Variants in ZNF750 observed in about 807,000 individuals in gnomAD.
ZNF750 encodes the protein zinc finger protein 750.
In ZNF750, 10 loss-of-function variants were observed where a neutral mutation model predicts 31.6. That is an observed-to-expected ratio of 0.32 (90% CI 0.19 to 0.54). ZNF750 has a LOEUF of 0.54. Among genes scored for constraint, ZNF750 ranks in the 20% least tolerant of loss-of-function variants. The pLI, the probability that ZNF750 is intolerant of heterozygous loss-of-function variation, is 0.95. For synonymous variants in ZNF750, 400 were observed against 404.9 expected, an observed-to-expected ratio of 0.99 and a Z score of 0.15; for missense variants, 914 against 934.9, an observed-to-expected ratio of 0.98 and a Z score of 0.29.
Position 82,831,415 on chromosome 17 carries a change from G to T in ZNF750, c.1040C>A (p.Ser347Tyr). The change falls in exon 2 of 3, where the codon TCT becomes TAT. Residue 347 changes from serine to tyrosine, a missense_variant. Transcript: ENST00000269394. This position sits in a 1 kb window ranked among gnomAD's most constrained non-coding sequence, Gnocchi z 4.6. ...PVTGLTRDQS[S>Y]HLLEEATLVY... The stretch of plus-strand genomic sequence containing the variant: ...CAGGGTGGCTTCTTCAAGCAGGTGA[G>T]AGCTCTGATCTCGGGTGAGGCCAGT... 1 of 1,614,226 alleles carries T rather than the reference G, an allele frequency of 6.2e-7. No homozygotes were observed. Among genetic ancestry groups the T allele is most frequent in the South Asian group, 1.1e-5 (1 of 91,086 alleles).
At chr17:82,836,138 G>C (rs1241155761) in intron 1 of ZNF750, among the ~76,000 whole-genome samples, 14 of 152,248 alleles carry the variant, frequency 9.2e-5, no homozygotes, top group Admixed American at 9.2e-4. Flanking sequence ...AGTCCCTACC[G>C]TGTGGGGCAG....
At chr17:82,837,273 G>A (rs2054070097) in intron 1 of ZNF750, among the ~76,000 whole-genome samples, 1 of 152,226 alleles carries the variant, frequency 6.6e-6, no homozygotes, top group Admixed American at 6.5e-5. Flanking sequence ...GGCTGTCACA[G>A]CTGTCTGTGG....
chr17:82,832,572 C>T lies in ZNF750; in HGVS notation c.-118G>A, dbSNP rs747111580. On this transcript the variant is annotated 5_prime_UTR_variant, in exon 2 of 3. Coordinates refer to ENST00000269394, the MANE Select transcript of ZNF750 (RefSeq NM_024702.3). The surrounding 1 kb of genome is among the most constrained non-coding windows in gnomAD (Gnocchi z 4.9). ...GCTTTGCTTTCTTTCCCGATCACTTCTATCAGAAGCCAGCTCTGCGTGCTG... is the reference window on the plus strand; with the variant it reads ...GCTTTGCTTTCTTTCCCGATCACTTTTATCAGAAGCCAGCTCTGCGTGCTG... The T allele has an allele frequency of 3.4e-6, 3 of 871,574 alleles. No homozygotes were observed. Among genetic ancestry groups the T allele is most frequent in the Non-Finnish European group, 5.6e-6 (3 of 539,098 alleles). 54.0% of individuals were successfully genotyped at this position (871,574 alleles called of 1,614,324 possible). A position where few individuals can be genotyped will look rare whatever the true frequency, so the allele number is the denominator to read the frequency against.
At position 82,831,592 on chromosome 17, in the gene ZNF750, G is replaced by C. The variant is rs35653278; in HGVS notation, c.863C>G (p.Pro288Arg). Residue 288 changes from proline (P) to arginine (R), a missense_variant, in exon 2 of 3, where the codon CCG becomes CGG. Coordinates refer to ENST00000269394, the MANE Select transcript of ZNF750 (RefSeq NM_024702.3). The surrounding 1 kb of genome is among the most constrained non-coding windows in gnomAD (Gnocchi z 4.6). Reference sequence around the variant, plus strand: ...AGCCAGGTGCTTAGGGATCGGCCCCGGGTGAGGCAGGAAGTGTCTCGGGTC... The same window carrying C: ...AGCCAGGTGCTTAGGGATCGGCCCCCGGTGAGGCAGGAAGTGTCTCGGGTC... The part of the protein sequence containing the change: ...TQDPRHFLPH[P>R]GPIPKHLAPS... 1 of 1,614,130 alleles carries C rather than the reference G, an allele frequency of 6.2e-7. No individual in the cohort carries two copies. The highest frequency in any genetic ancestry group is 8.5e-7 in the Non-Finnish European group (1 of 1,179,992).
Position 82,830,841 on chromosome 17 carries a change from G to T in ZNF750, c.1473C>A (p.Thr491=), listed in dbSNP as rs372531501. The T allele has an allele frequency of 1.2e-6, 2 of 1,613,088 alleles. No homozygotes were observed. Among genetic ancestry groups the T allele is most frequent in the Non-Finnish European group, 1.7e-6 (2 of 1,180,024 alleles). Residue 491 remains threonine, a synonymous_variant, in exon 3 of 3, where the codon ACC becomes ACA. Transcript: ENST00000269394. The stretch of plus-strand genomic sequence containing the variant: ...CCTCCGAGACGAGAGAGGCGCTTCC[G>T]GTCGGAGCAGGAGGGTCTCCGTTCA... ...NVVNGDPPAP[T]GSASLVSEAA... is the part of the protein sequence containing the mutation.
At position 82,831,011 on chromosome 17, in the gene ZNF750, T is replaced by G; in HGVS notation, c.1436+8A>C. ...CCCTTGGAGGTTTTGAAAATGACAT[T>G]TTCTTACCTTACTGGAGACTCTGCT... On this transcript the variant is annotated splice_region_variant and intron_variant, in intron 2 of 2. Coordinates refer to ENST00000269394, the MANE Select transcript of ZNF750 (RefSeq NM_024702.3). This position sits in a 1 kb window ranked among gnomAD's most constrained non-coding sequence, Gnocchi z 4.6. The G allele has an allele frequency of 6.2e-7, 1 of 1,613,996 alleles. No individual in the cohort carries two copies. The highest frequency in any genetic ancestry group is 8.5e-7 in the Non-Finnish European group (1 of 1,180,024).
At position 82,830,721 on chromosome 17, in the gene ZNF750, CG is replaced by C; in HGVS notation, c.1592del (p.Thr531SerfsTer25). The C allele has an allele frequency of 6.2e-7, 1 of 1,613,948 alleles. No homozygotes were observed. Among genetic ancestry groups the C allele is most frequent in the Non-Finnish European group, 8.5e-7 (1 of 1,179,994 alleles). On this transcript the variant is annotated frameshift_variant, in exon 3 of 3. Coordinates refer to ENST00000269394, the MANE Select transcript of ZNF750 (RefSeq NM_024702.3). LOFTEE classifies it low-confidence loss of function (END_TRUNC). The part of the protein sequence containing the change: ...EINLAATHEP[T>X]YQGSPQAETA... ...TTTCCGCCTGGGGGCTGCCTTGGTACGTGGGTTCGTGGGTGGCTGCCAGGTT... is the reference window on the plus strand; with the variant it reads ...TTTCCGCCTGGGGGCTGCCTTGGTACTGGGTTCGTGGGTGGCTGCCAGGTT...
chr17:82,836,090 A>G (rs2053948294), intron 1 of ZNF750, among the ~76,000 whole-genome samples: 2 of 143,936 alleles, frequency 1.4e-5, no homozygotes, highest in South Asian at 4.1e-4. Flanking sequence ...ATTTCCCCCT[A>G]TTAGAAGAAA....
chr17:82,833,510 CT>C lies in ZNF750; in HGVS notation c.-182-875del, dbSNP rs1269910453. On this transcript the variant is annotated intron_variant, in intron 1 of 2. Transcript: ENST00000269394. The surrounding 1 kb of genome is among the most constrained non-coding windows in gnomAD (Gnocchi z 4.7). The stretch of plus-strand genomic sequence containing the variant: ...AATACAAATGCTATATTTATGTTGA[CT>C]TAAATGGTTGAAATACTGTTGGTGA... Among the ~76,000 whole-genome samples, 1 of 152,148 alleles carries C rather than the reference CT, an allele frequency of 6.6e-6. No homozygotes were observed.
At position 82,831,225 on chromosome 17, in the gene ZNF750, G is replaced by A. The variant is rs1416536687; in HGVS notation, c.1230C>T (p.Gly410=). 1 of 1,614,010 alleles carries A rather than the reference G, an allele frequency of 6.2e-7. No individual in the cohort carries two copies. Among genetic ancestry groups the A allele is most frequent in the Admixed American group, 1.7e-5 (1 of 60,024 alleles). ...CGGTGGGGCTCGGCCTCCCTGGGGAGCCCGTGGCTGCACTCCCTGCGCGGG... is the reference window on the plus strand; with the variant it reads ...CGGTGGGGCTCGGCCTCCCTGGGGAACCCGTGGCTGCACTCCCTGCGCGGG... The part of the protein sequence containing the change: ...MSPRAGSAAT[G]SPGRPSPTDF... The change falls in exon 2 of 3, where the codon GGC becomes GGT. Residue 410 remains glycine (G), a synonymous_variant. Transcript: ENST00000269394. The surrounding 1 kb of genome is among the most constrained non-coding windows in gnomAD (Gnocchi z 4.6).
intron 1 of ZNF750, among the ~76,000 whole-genome samples, chr17:82,837,089 C>A (rs2054051886): frequency 6.6e-6 from 1 of 152,174 alleles, no homozygotes; most frequent in Admixed American, 6.5e-5. Context: ...CAGTTGTAAG[C>A]CGGGCGTAGG....
intron 1 of ZNF750, among the ~76,000 whole-genome samples, chr17:82,839,375 C>T (rs2054265778): frequency 6.6e-6 from 1 of 151,032 alleles, no homozygotes; most frequent in South Asian, 2.1e-4. Context: ...CTAAATTCAG[C>T]CTAATGTACA....
Position 82,830,866 on chromosome 17 carries a change from A to G in ZNF750, c.1448T>C (p.Val483Ala), listed in dbSNP as rs2053439662. ...GGTCGGAGCAGGAGGGTCTCCGTTC[A>G]CAACATTGAGGCTAGAAGAAGCCAA... is the stretch of plus-strand genomic sequence containing the variant. ...TAESPVSLNVVNGDPPAPTGS... is the reference protein window; with the variant it reads ...TAESPVSLNVANGDPPAPTGS... Residue 483 changes from valine to alanine, a missense_variant, in exon 3 of 3, where the codon GTG becomes GCG. By Grantham distance (64) the Val-to-Ala change is moderately conservative. This residue lies in a region of ZNF750 where 880 missense variants were observed against 868.9 expected (regional missense o/e 1.01). Transcript: ENST00000269394. The G allele has an allele frequency of 6.2e-7, 1 of 1,612,742 alleles. No individual in the cohort carries two copies. Among genetic ancestry groups the G allele is most frequent in the Admixed American group, 1.7e-5 (1 of 60,004 alleles).
At position 82,830,592 on chromosome 17, in the gene ZNF750, A is replaced by G. The variant is rs1313251817; in HGVS notation, c.1722T>C (p.Ala574=). The change falls in exon 3 of 3, where the codon GCT becomes GCC. Residue 574 remains alanine, a synonymous_variant. Transcript: ENST00000269394. ...GTGGAACAGCAGCAGCAGGTTCTGC[A>G]GCTCGTGGTCGACCGGGGAAGGCAG... ...PRPAFPGRPR[A]AEPAAAVPQK... is the part of the protein sequence containing the mutation. 1.2e-6 allele frequency: 2 copies of G among 1,614,012 alleles called. No individual in the cohort carries two copies. The highest frequency in any genetic ancestry group is 1.7e-6 in the Non-Finnish European group (2 of 1,179,960).
Position 82,830,565 on chromosome 17 carries a change from C to G in ZNF750, c.1749G>C (p.Gln583His). The change falls in exon 3 of 3, where the codon CAG (glutamine) becomes CAC (histidine). Residue 583 changes from glutamine (Q) to histidine (H), a missense_variant. Transcript: ENST00000269394. ...RAAEPAAAVP[Q>H]KTGTEGSEDG... Reference sequence around the variant, plus strand: ...CCTCAGAACCTTCTGTCCCAGTCTTCTGTGGAACAGCAGCAGCAGGTTCTG... The same window carrying G: ...CCTCAGAACCTTCTGTCCCAGTCTTGTGTGGAACAGCAGCAGCAGGTTCTG... The G allele has an allele frequency of 6.2e-7, 1 of 1,614,070 alleles. No individual in the cohort carries two copies. Among genetic ancestry groups the G allele is most frequent in the Non-Finnish European group, 8.5e-7 (1 of 1,179,986 alleles).
In ZNF750 at chr17:82,832,008, G is replaced by C. The variant is rs1274486084; in HGVS notation, c.447C>G (p.Ala149=). 1 of 1,612,668 alleles carries C rather than the reference G, an allele frequency of 6.2e-7. No homozygotes were observed. The highest frequency in any genetic ancestry group is 1.3e-5 in the African/African-American group (1 of 75,026). ...KSPAPEAALG[A]QPALEGAARP... ...GAGCTGCGCCTTCCAGAGCAGGCTGGGCACCGAGGGCGGCTTCCGGAGCTG... is the reference window on the plus strand; with the variant it reads ...GAGCTGCGCCTTCCAGAGCAGGCTGCGCACCGAGGGCGGCTTCCGGAGCTG... The change falls in exon 2 of 3, where the codon GCC becomes GCG. Residue 149 remains alanine, a synonymous_variant. Coordinates refer to ENST00000269394, the MANE Select transcript of ZNF750 (RefSeq NM_024702.3). The surrounding 1 kb of genome is among the most constrained non-coding windows in gnomAD (Gnocchi z 4.9).
rs1306370170 is a variant in ZNF750, at chr17:82,832,311, A to G, written c.144T>C (p.Leu48=). ...ATACTAAAGTAATCGAGTTTTTACAAAGACCATACTTCATGTGATTAAAAA... is the reference window on the plus strand; with the variant it reads ...ATACTAAAGTAATCGAGTTTTTACAGAGACCATACTTCATGTGATTAAAAA... The part of the protein sequence containing the change: ...SHLFNHMKYG[L]CKNSITLVSE... Residue 48 remains leucine (L), a synonymous_variant, in exon 2 of 3, where the codon CTT becomes CTC. Coordinates refer to ENST00000269394, the MANE Select transcript of ZNF750 (RefSeq NM_024702.3). The surrounding 1 kb of genome is among the most constrained non-coding windows in gnomAD (Gnocchi z 4.9). 6.2e-7 allele frequency: 1 copy of G among 1,614,124 alleles called. No individual in the cohort carries two copies. The highest frequency in any genetic ancestry group is 8.5e-7 in the Non-Finnish European group (1 of 1,180,050).
At position 82,829,824 on chromosome 17, in the gene ZNF750, T is replaced by G; in HGVS notation, c.*318A>C. On this transcript the variant is annotated 3_prime_UTR_variant, in exon 3 of 3. Transcript: ENST00000269394. Reference sequence around the variant, plus strand: ...ATAGAAAAACAGTTAAAACAATTTGTTGTAATGGTGAGATATTTATAAGGA... The same window carrying G: ...ATAGAAAAACAGTTAAAACAATTTGGTGTAATGGTGAGATATTTATAAGGA... 5.9e-6 allele frequency: 2 copies of G among 338,126 alleles called. No individual in the cohort carries two copies. 20.9% of individuals were successfully genotyped at this position (338,126 alleles called of 1,614,324 possible).
At chr17:82,839,027 A>G (rs2145412240) in intron 1 of ZNF750, 7 of 959,976 alleles carry the variant, frequency 7.3e-6, no homozygotes, top group Non-Finnish European at 8.7e-6. Flanking sequence ...ACCCTTTTGT[A>G]TCTGTGTCTA....
Sources: gnomAD v4.1 joint callset for allele counts (sites outside exome capture counted in the v4.1 genomes callset) on GRCh38, gnomAD v4.1.1 for gene constraint, gnomAD v4.1.1 regional missense constraint, Gnocchi (gnomAD v3.1) non-coding constraint, MANE v1.5 for transcripts, NCBI Gene and HGNC (gene_info 2026-07-23, HGNC 2026-07-21) for gene names.